Variants in CERS6 observed in about 807,000 individuals in gnomAD.
CERS6 encodes LAG1 homolog, ceramide synthase 6.
In CERS6, 26 loss-of-function variants were observed where a neutral mutation model predicts 56.8. The observed-to-expected ratio is 0.46, with a 90% CI of 0.34 to 0.63. The LOEUF (loss-of-function observed/expected upper bound fraction) is 0.63, where lower values mean the gene tolerates loss of function less well. Ranked by LOEUF, CERS6 falls within the 30% of genes least tolerant of loss-of-function variation. The probability of loss-of-function intolerance (pLI) is 0.01; values close to 1 mark genes in which losing one functional copy is unlikely to be tolerated. For missense variants in CERS6, 415 were observed against 467.5 expected (o/e 0.89, Z 1.04); for synonymous variants, 164 against 173.3 (o/e 0.95, Z 0.42).
At chr2:168,583,525 G>C (rs1413207080) in intron 3 of CERS6, among the ~76,000 whole-genome samples, 1 of 152,186 alleles carries the variant, frequency 6.6e-6, no homozygotes, top group Non-Finnish European at 1.5e-5. Context: ...TTAACCACAT[G>C]CTATGAGCTC....
intron 3 of CERS6, among the ~76,000 whole-genome samples, chr2:168,568,013 G>A (rs1340077823): frequency 6.6e-6 from 1 of 152,180 alleles, no homozygotes; most frequent in Non-Finnish European, 1.5e-5. Context: ...ATCTGTGGCC[G>A]GTGAACTCAG....
chr2:168,657,437 C>A (rs184091822), intron 4 of CERS6, among the ~76,000 whole-genome samples: 2 of 152,250 alleles, frequency 1.3e-5, no homozygotes, highest in African/African-American at 4.8e-5. Flanking sequence ...GCCATGCGCT[C>A]GCATTCCTCA....
In CERS6 at chr2:168,766,632, G is replaced by C. The variant is rs192729013; in HGVS notation, c.1002+884G>C. Among the ~76,000 whole-genome samples, 641 of 152,312 alleles carry C rather than the reference G, an allele frequency of 4.2e-3. 2 individuals carry two copies. The highest frequency in any genetic ancestry group is 6.7e-3 in the Non-Finnish European group (454 of 68,014). On this transcript the variant is annotated intron_variant, in intron 9 of 9. Coordinates refer to ENST00000305747, the MANE Select transcript of CERS6 (RefSeq NM_203463.3). ...GACAGGATGGTGTGAAAGCTTGCCAGGTACTTGCCAGGTTTAATGTGTTGG... is the reference window on the plus strand; with the variant it reads ...GACAGGATGGTGTGAAAGCTTGCCACGTACTTGCCAGGTTTAATGTGTTGG...
At chr2:168,736,222 C>T (rs538764100) in intron 8 of CERS6, among the ~76,000 whole-genome samples, 1 of 152,296 alleles carries the variant, frequency 6.6e-6, no homozygotes, top group Non-Finnish European at 1.5e-5. Context: ...AGTAAATATG[C>T]ACATGAAAGT....
chr2:168,549,074 G>A (rs903523632), intron 2 of CERS6, among the ~76,000 whole-genome samples: 9 of 151,952 alleles, frequency 5.9e-5, no homozygotes, highest in African/African-American at 2.2e-4. Flanking sequence ...GGACTTCTCA[G>A]GTTCATTTGT....
intron 3 of CERS6, among the ~76,000 whole-genome samples, chr2:168,588,509 T>C (rs1683598079): frequency 6.6e-6 from 1 of 152,166 alleles, no homozygotes; most frequent in Non-Finnish European, 1.5e-5. Context: ...AATCACACCG[T>C]TTTTGTCCTT....
At position 168,456,634 on chromosome 2, in the gene CERS6, G is replaced by A. The variant is rs1258701626; in HGVS notation, c.170+16G>A. The A allele has an allele frequency of 5.6e-6, 9 of 1,611,510 alleles. No individual in the cohort carries two copies. In the African/African-American group the frequency reaches 1.1e-4, roughly 19 times the overall value. ...TCTTCGAGAGGTAAGAAGGGCTGAA[G>A]CCCCTCCTCCCCTCCCCCTGCGCAC... is the stretch of plus-strand genomic sequence containing the variant. On this transcript the variant is annotated intron_variant, in intron 1 of 9. Transcript: ENST00000305747. The surrounding 1 kb of genome is among the most constrained non-coding windows in gnomAD (Gnocchi z 4.1).
intron 3 of CERS6, among the ~76,000 whole-genome samples, chr2:168,610,462 G>T (rs961819728): frequency 6.6e-6 from 1 of 152,174 alleles, no homozygotes; most frequent in Non-Finnish European, 1.5e-5. Flanking sequence ...ATATCTTAAT[G>T]AATGGCCATC....
chr2:168,535,414 A>G (rs536048771), intron 1 of CERS6, among the ~76,000 whole-genome samples: 3 of 152,070 alleles, frequency 2.0e-5, no homozygotes, highest in Non-Finnish European at 4.4e-5. Flanking sequence ...GCTGGGTAGC[A>G]TGTTCACTTA....
In CERS6 at chr2:168,770,215, T is replaced by C. The variant is rs1325398198; in HGVS notation, c.*553T>C. 1 of 152,418 alleles carries C rather than the reference T, an allele frequency of 6.6e-6. No homozygotes were observed. The highest frequency in any genetic ancestry group is 6.5e-5 in the Admixed American group (1 of 15,296). The allele number at this position is 152,418 out of a possible 1,614,324, so 9.4% of individuals were successfully genotyped here. On this transcript the variant is annotated 3_prime_UTR_variant, in exon 10 of 10. Coordinates refer to ENST00000305747, the MANE Select transcript of CERS6 (RefSeq NM_203463.3). ...GACGAACTAGGTGTTTAATTTTCAC[T>C]CTTCATGTTCAATTAGCAGTTCAAA...
chr2:168,549,292 C>T (rs1373121917), intron 2 of CERS6, among the ~76,000 whole-genome samples: 17 of 152,036 alleles, frequency 1.1e-4, no homozygotes, highest in African/African-American at 2.9e-4. Flanking sequence ...GGAGAAATTT[C>T]CTCCATAAAG....
Position 168,596,166 on chromosome 2 carries a change from C to G in CERS6, c.408-34819C>G, listed in dbSNP as rs377420783. Among the ~76,000 whole-genome samples, 9 of 152,016 alleles carry G rather than the reference C, an allele frequency of 5.9e-5. No homozygotes were observed. The South Asian group carries it at 1.9e-3, about 32-fold the overall frequency. On this transcript the variant is annotated intron_variant, in intron 3 of 9. Transcript: ENST00000305747. ...TGTTTGTAAATGTTTATGCATCTGG[C>G]TAGTAGACTTGGATCCTAGTCATGA...
At chr2:168,702,031 A>C (rs1430928014) in intron 6 of CERS6, among the ~76,000 whole-genome samples, 1 of 152,154 alleles carries the variant, frequency 6.6e-6, no homozygotes, top group Non-Finnish European at 1.5e-5. Context: ...CATTCTATAC[A>C]TGTTCACAAC....
chr2:168,586,028 A>C (rs1434278826), intron 3 of CERS6, among the ~76,000 whole-genome samples: 1 of 152,070 alleles, frequency 6.6e-6, no homozygotes, highest in African/African-American at 2.4e-5. Context: ...CTGTCACCCC[A>C]GCTGGAGTAC....
At chr2:168,494,737 G>C (rs72873095) in intron 1 of CERS6, among the ~76,000 whole-genome samples, 5,843 of 152,196 alleles carry the variant, frequency 0.038, 148 homozygotes, top group South Asian at 0.082. Flanking sequence ...AGGCTGGACA[G>C]GAGAACCACT....
intron 3 of CERS6, among the ~76,000 whole-genome samples, chr2:168,590,197 C>A (rs949978315): frequency 2.6e-5 from 4 of 152,124 alleles, no homozygotes; most frequent in African/African-American, 9.7e-5. Context: ...TTCACCTGGG[C>A]AACTAGGAGA....
At chr2:168,709,052 A>G (rs1446855466) in intron 6 of CERS6, among the ~76,000 whole-genome samples, 3 of 152,102 alleles carry the variant, frequency 2.0e-5, no homozygotes, top group Non-Finnish European at 4.4e-5. Context: ...AGGGAGTTCC[A>G]TTATATAGAC....
chr2:168,631,099 G>A, intron 4 of CERS6, 57 bp downstream of exon 4: 3 of 618,172 alleles, frequency 4.9e-6, no homozygotes, highest in Non-Finnish European at 7.0e-6. Context: ...TCTATATCCT[G>A]GTTTTTTTTT....
chr2:168,637,401 G>C (rs1684885172), intron 4 of CERS6, among the ~76,000 whole-genome samples: 1 of 152,080 alleles, frequency 6.6e-6, no homozygotes, highest in Non-Finnish European at 1.5e-5. Flanking sequence ...AGAATTGCTT[G>C]AGCCCAGTAG....
Sources: gnomAD v4.1 joint callset for allele counts (sites outside exome capture counted in the v4.1 genomes callset) on GRCh38, gnomAD v4.1.1 for gene constraint, Gnocchi (gnomAD v3.1) non-coding constraint, MANE v1.5 for transcripts, NCBI Gene and HGNC (gene_info 2026-07-23, HGNC 2026-07-21) for gene names.